Variants in MYO18B observed in about 807,000 individuals in gnomAD.
MYO18B encodes unconventional myosin-XVIIIb.
In MYO18B, 204 loss-of-function variants were observed where a neutral mutation model predicts 273.0. The ratio of observed to expected loss-of-function variants is 0.75; its 90% confidence interval spans 0.67 to 0.84. MYO18B has a LOEUF of 0.84. Ranked by LOEUF, MYO18B falls within the 40% of genes least tolerant of loss-of-function variation. The pLI is 0.00. For synonymous variants in MYO18B, 1,330 were observed against 1,305.7 expected, an observed-to-expected ratio of 1.02 and a Z score of -0.40; for missense variants, 3,212 against 3,287.6, an observed-to-expected ratio of 0.98 and a Z score of 0.56.
intron 42 of MYO18B, among the ~76,000 whole-genome samples, chr22:26,011,198 C>T (rs770728782): frequency 4.6e-5 from 7 of 151,696 alleles, no homozygotes; most frequent in Non-Finnish European, 7.4e-5. Flanking sequence ...AACAAGATGG[C>T]GGCTAACAGC....
At position 25,797,842 on chromosome 22, in the gene MYO18B, C is replaced by G. The variant is rs1232489444; in HGVS notation, c.2377-111C>G. On this transcript the variant is annotated intron_variant, in intron 11 of 43. Coordinates refer to ENST00000335473, the MANE Select transcript of MYO18B (RefSeq NM_032608.7). ...CTTAATTGTGGGTAATTTATTGTGG[C>G]AATAAAATGACCCCCGCATTCCTTC... 3.4e-6 allele frequency: 5 copies of G among 1,454,042 alleles called. No homozygotes were observed. In the East Asian group the frequency reaches 1.1e-4, roughly 33 times the overall value. The allele number at this position is 1,454,042 out of a possible 1,614,324, so 90.1% of individuals were successfully genotyped here.
At chr22:25,846,034 C>T (rs1238381565) in intron 18 of MYO18B, 66 bp from the exon 19 acceptor site, 12 of 1,378,776 alleles carry the variant, frequency 8.7e-6, no homozygotes, top group Non-Finnish European at 1.1e-5. Context: ...CCTTTGCCAC[C>T]ACCCAGGCCA....
At chr22:25,969,279 G>A (rs545327662) in intron 39 of MYO18B, among the ~76,000 whole-genome samples, 2 of 152,216 alleles carry the variant, frequency 1.3e-5, no homozygotes, top group South Asian at 2.1e-4. Context: ...AGATTACCAC[G>A]TTTTTTTCTT....
chr22:25,776,805 A>AG (rs1199394397), intron 7 of MYO18B, among the ~76,000 whole-genome samples: 2 of 151,998 alleles, frequency 1.3e-5, no homozygotes, highest in Non-Finnish European at 2.9e-5. Flanking sequence ...GGTTGTGGAG[A>AG]GGGGTAATGA....
chr22:26,001,885 T>C (rs55764988), intron 40 of MYO18B, among the ~76,000 whole-genome samples: 2,079 of 152,356 alleles, frequency 0.014, 48 homozygotes, highest in African/African-American at 0.047. Context: ...AACACCAGTG[T>C]GTGCTTTGAT....
chr22:25,838,794 C>G (rs1483939658), intron 17 of MYO18B, among the ~76,000 whole-genome samples: 4 of 151,976 alleles, frequency 2.6e-5, no homozygotes, highest in Admixed American at 6.6e-5. Flanking sequence ...GAACATATCT[C>G]CATTGTATAA....
chr22:25,787,242 A>G (rs368799137), intron 11 of MYO18B, among the ~76,000 whole-genome samples: 9 of 149,962 alleles, frequency 6.0e-5, no homozygotes, highest in Admixed American at 4.7e-4. Flanking sequence ...AGAAAAAAAA[A>G]TTGCTAAGCC....
chr22:25,969,787 C>T (rs1238412152), intron 39 of MYO18B, among the ~76,000 whole-genome samples: 1 of 152,232 alleles, frequency 6.6e-6, no homozygotes, highest in Non-Finnish European at 1.5e-5. Flanking sequence ...CTCACTTTCT[C>T]TGTTTCCCTG....
chr22:25,881,692 G>A (rs1475781005), intron 25 of MYO18B, among the ~76,000 whole-genome samples: 1 of 152,106 alleles, frequency 6.6e-6, no homozygotes, highest in Admixed American at 6.5e-5. Flanking sequence ...AGGAAGGGTG[G>A]GGGCTCAGGC....
In MYO18B at chr22:25,818,171, T is replaced by C. The variant is rs59158215; in HGVS notation, c.2522-5334T>C. Among the ~76,000 whole-genome samples the C allele has an allele frequency of 3.2e-3, 486 of 152,088 alleles. 2 individuals carry two copies. Among genetic ancestry groups the C allele is most frequent in the African/African-American group, 0.011 (474 of 41,502 alleles). ...ATAGAGTGTGTGATCCCCTCTGGAG[T>C]GGGCTGGGGGCAGGGGAAAATCCAC... is the stretch of plus-strand genomic sequence containing the variant. On this transcript the variant is annotated intron_variant, in intron 12 of 43. Transcript: ENST00000335473.
chr22:25,977,855 C>T (rs1479546904), intron 39 of MYO18B, among the ~76,000 whole-genome samples: 2 of 152,178 alleles, frequency 1.3e-5, no homozygotes, highest in African/African-American at 2.4e-5. Flanking sequence ...GTTATTATTT[C>T]CACTTTGCAG....
chr22:26,050,294 G>C, the MYO18B span, among the ~76,000 whole-genome samples: 2 of 152,166 alleles, frequency 1.3e-5, no homozygotes, highest in East Asian at 3.8e-4. Flanking sequence ...GAAGTATGTC[G>C]TGCAGGGTTC....
At chr22:26,009,526 C>T (rs1351486411) in intron 42 of MYO18B, among the ~76,000 whole-genome samples, 4 of 152,176 alleles carry the variant, frequency 2.6e-5, no homozygotes, top group Admixed American at 1.3e-4. Flanking sequence ...ATTCATGCCT[C>T]AATTTACTAC....
In MYO18B at chr22:25,846,273, A is replaced by G. The variant is rs2090242566; in HGVS notation, c.3542A>G (p.Lys1181Arg). ...AGGAAAGCCCCGTGCTCCCAGATCAAGCTGCAGATGGTGAGTGGGCACCCT... is the reference window on the plus strand; with the variant it reads ...AGGAAAGCCCCGTGCTCCCAGATCAGGCTGCAGATGGTGAGTGGGCACCCT... ...VRRKAPCSQIKLQMDALTSMI... is the reference protein window; with the variant it reads ...VRRKAPCSQIRLQMDALTSMI... The change falls in exon 19 of 44, where the codon AAG becomes AGG. Residue 1181 changes from lysine (K) to arginine (R), a missense_variant. Physicochemically the swap from Lys to Arg is conservative, Grantham distance 26. Transcript: ENST00000335473. 6.2e-7 allele frequency: 1 copy of G among 1,611,446 alleles called. No homozygotes were observed. Among genetic ancestry groups the G allele is most frequent in the African/African-American group, 1.3e-5 (1 of 74,878 alleles).
At chr22:25,906,920 C>T (rs766407793) in intron 31 of MYO18B, among the ~76,000 whole-genome samples, 1 of 152,142 alleles carries the variant, frequency 6.6e-6, no homozygotes, top group African/African-American at 2.4e-5. Flanking sequence ...CTTCCCTTGA[C>T]CTGTGGGAAT....
rs1427578043 is a variant in MYO18B, at chr22:25,785,447, C to T, written c.2332C>T (p.Gln778Ter). The change falls in exon 11 of 44, where the codon CAG (glutamine) becomes TAG (stop). Residue 778 changes from glutamine to a stop codon, truncating the protein, a stop_gained. Transcript: ENST00000335473. LOFTEE classifies it high-confidence loss of function. The stretch of plus-strand genomic sequence containing the variant: ...TTCCAGGACGGAGCTGAACCTGCAC[C>T]AGATGGCAGATAGCAGCTCCTTTGG... ...LDLRTELNLH[Q>*]MADSSSFGMG... is the part of the protein sequence containing the mutation. 1 of 1,611,452 alleles carries T rather than the reference C, an allele frequency of 6.2e-7. No homozygotes were observed. The highest frequency in any genetic ancestry group is 2.2e-5 in the East Asian group (1 of 44,814).
At chr22:25,854,385 C>G (rs2090509193) in intron 21 of MYO18B, among the ~76,000 whole-genome samples, 1 of 152,124 alleles carries the variant, frequency 6.6e-6, no homozygotes, top group African/African-American at 2.4e-5. Flanking sequence ...CTCTGGGAAT[C>G]ATCCTCATTT....
At chr22:25,766,461 G>A (rs993435453) in intron 3 of MYO18B, among the ~76,000 whole-genome samples, 1 of 152,182 alleles carries the variant, frequency 6.6e-6, no homozygotes, top group South Asian at 2.1e-4. Flanking sequence ...AGAATGGAAC[G>A]CAGAAGGTGG....
chr22:25,944,915 G>C (rs2092687317), intron 34 of MYO18B, among the ~76,000 whole-genome samples: 1 of 151,934 alleles, frequency 6.6e-6, no homozygotes, highest in Non-Finnish European at 1.5e-5. Flanking sequence ...ATGGATTTAG[G>C]GTATGTGCAT....
Sources: allele counts gnomAD v4.1 joint callset (sites outside exome capture counted in the v4.1 genomes callset), GRCh38; gene constraint gnomAD v4.1.1; transcripts MANE v1.5; gene names NCBI Gene and HGNC (gene_info 2026-07-23, HGNC 2026-07-21).